The following PRTFDC1 variants were observed in gnomAD, a reference collection of about 807,000 sequenced individuals.
PRTFDC1 encodes the protein phosphoribosyltransferase domain-containing protein 1.
Under a neutral mutation model 34.6 loss-of-function variants are expected in PRTFDC1, and 38 were observed. That is an observed-to-expected ratio of 1.10 (90% CI 0.85 to 1.44). The LOEUF (loss-of-function observed/expected upper bound fraction) is 1.44. PRTFDC1 is among the 40% of genes most tolerant of loss of function. PRTFDC1 has a pLI of 0.00. For missense variants in PRTFDC1, 270 were observed against 283.0 expected, an observed-to-expected ratio of 0.95 and a Z score of 0.33; for synonymous variants, 93 against 98.1, an observed-to-expected ratio of 0.95 and a Z score of 0.31.
At chr10:24,917,823 G>A (rs1486830298) in intron 3 of PRTFDC1, among the ~76,000 whole-genome samples, 1 of 152,146 alleles carries the variant, frequency 6.6e-6, no homozygotes, top group East Asian at 1.9e-4. Context: ...AACATTCACT[G>A]TCAAACCTCA....
At chr10:24,873,879 A>C (rs1205353450) in intron 3 of PRTFDC1, among the ~76,000 whole-genome samples, 6 of 148,852 alleles carry the variant, frequency 4.0e-5, no homozygotes, top group Non-Finnish European at 9.0e-5. Flanking sequence ...GCTCAAACGA[A>C]AAAAAAAAAA....
At chr10:24,880,871 C>CTTTCTT (rs1848065800) in intron 3 of PRTFDC1, among the ~76,000 whole-genome samples, 5 of 144,470 alleles carry the variant, frequency 3.5e-5, no homozygotes, top group Middle Eastern at 3.3e-3. Context: ...TTCTTTCTTT[C>CTTTCTT]TTTCTTTCCC....
chr10:24,851,458 C>T lies in PRTFDC1; in HGVS notation c.560G>A (p.Gly187Glu). The change falls in exon 8 of 9, where the codon GGA becomes GAA. Residue 187 changes from glycine to glutamate, a missense_variant. Physicochemically the swap from Gly to Glu is moderately conservative, Grantham distance 98. Transcript: ENST00000320152. ...RSDGFRPDYAGFEIPNLFVVG... is the reference protein window; with the variant it reads ...RSDGFRPDYAEFEIPNLFVVG... ...CACAAATAAGTTTGGAATCTCAAAT[C>T]CAGCATCTTAGCAGACAGAGAAAGA... 6.2e-7 allele frequency: 1 copy of T among 1,610,372 alleles called. No homozygotes were observed. The highest frequency in any genetic ancestry group is 8.5e-7 in the Non-Finnish European group (1 of 1,179,494).
At chr10:24,902,309 G>C (rs577237943) in intron 3 of PRTFDC1, among the ~76,000 whole-genome samples, 3 of 152,252 alleles carry the variant, frequency 2.0e-5, no homozygotes, top group African/African-American at 7.2e-5. Context: ...TAGAGCTGTG[G>C]ACGGATGCCA....
At chr10:24,861,803 A>T (rs915454622) in intron 4 of PRTFDC1, among the ~76,000 whole-genome samples, 1 of 152,004 alleles carries the variant, frequency 6.6e-6, no homozygotes, top group Admixed American at 6.6e-5. Context: ...GCGTATTTTT[A>T]AATTTTATTT....
At chr10:24,870,752 C>G (rs1847855478) in intron 4 of PRTFDC1, among the ~76,000 whole-genome samples, 1 of 152,064 alleles carries the variant, frequency 6.6e-6, no homozygotes, top group Non-Finnish European at 1.5e-5. Context: ...AGCCATTTAA[C>G]ACATAGATCT....
At chr10:24,938,476 T>G (rs12246878) in intron 2 of PRTFDC1, among the ~76,000 whole-genome samples, 21,333 of 152,120 alleles carry the variant, frequency 0.14, 1,608 homozygotes, top group African/African-American at 0.21. Context: ...CCAGCCCCTA[T>G]CCCCAGCTCT....
At chr10:24,863,082 T>C (rs1331596272) in intron 4 of PRTFDC1, among the ~76,000 whole-genome samples, 1 of 152,152 alleles carries the variant, frequency 6.6e-6, no homozygotes, top group Non-Finnish European at 1.5e-5. Context: ...TTTCACCCTG[T>C]TGGCCAGGCT....
intron 7 of PRTFDC1, among the ~76,000 whole-genome samples, chr10:24,853,711 T>A (rs1345387385): frequency 6.6e-6 from 1 of 152,134 alleles, no homozygotes; most frequent in Non-Finnish European, 1.5e-5. Flanking sequence ...GCAGGGCAAC[T>A]CACACTGGGA....
At chr10:24,866,822 GAGAA>G (rs1847787785) in intron 4 of PRTFDC1, among the ~76,000 whole-genome samples, 3 of 150,630 alleles carry the variant, frequency 2.0e-5, no homozygotes, top group South Asian at 4.2e-4. Flanking sequence ...AAAGAAGAGA[GAGAA>G]AGGAAGAGAG....
intron 3 of PRTFDC1, among the ~76,000 whole-genome samples, chr10:24,912,865 A>T (rs1326953641): frequency 2.0e-5 from 3 of 151,844 alleles, no homozygotes; most frequent in African/African-American, 7.3e-5. Flanking sequence ...CCTTGCTTCT[A>T]CCTCCCATCC....
intron 4 of PRTFDC1, among the ~76,000 whole-genome samples, chr10:24,864,477 C>G (rs540408737): frequency 7.0e-4 from 106 of 152,136 alleles, no homozygotes; most frequent in Non-Finnish European, 1.1e-3. Flanking sequence ...CACCCACCAG[C>G]CTGATCAGTC....
Position 24,942,443 on chromosome 10 carries a change from A to G in PRTFDC1, c.49-7T>C, listed in dbSNP as rs1209174704. On this transcript the variant is annotated splice_region_variant and splice_polypyrimidine_tract_variant and intron_variant, in intron 1 of 8. Transcript: ENST00000320152. ...CTGGCCAATCATCCATAATCTGCAA[A>G]TCAAATTATTTTGGTTATGGTATTT... The G allele has an allele frequency of 2.5e-6, 4 of 1,600,638 alleles. No homozygotes were observed. Among genetic ancestry groups the G allele is most frequent in the Non-Finnish European group, 3.4e-6 (4 of 1,167,772 alleles).
chr10:24,905,235 C>A (rs1473357503), intron 3 of PRTFDC1, among the ~76,000 whole-genome samples: 1 of 151,656 alleles, frequency 6.6e-6, no homozygotes, highest in South Asian at 2.1e-4. Context: ...ATTGCTTGAG[C>A]CTGGGAGATT....
chr10:24,918,867 G>A (rs558864615), intron 3 of PRTFDC1, among the ~76,000 whole-genome samples: 1 of 152,228 alleles, frequency 6.6e-6, no homozygotes, highest in South Asian at 2.1e-4. Context: ...CAAAGTGAAC[G>A]GTGGTAATGG....
Position 24,929,052 on chromosome 10 carries a change from A to AAAAAG in PRTFDC1, c.339+8131_339+8132insCTTTT, listed in dbSNP as rs1554765607. 8.3e-3 allele frequency among the ~76,000 whole-genome samples: 966 copies of AAAAAG among 116,488 alleles called. 34 individuals carry two copies. The highest frequency in any genetic ancestry group is 0.011 in the East Asian group (43 of 3,874). 76.4% of individuals were successfully genotyped at this position (116,488 alleles called of 152,430 possible). On this transcript the variant is annotated intron_variant, in intron 3 of 8. Coordinates refer to ENST00000320152, the MANE Select transcript of PRTFDC1 (RefSeq NM_020200.7). ...GCAGACTCCGTCTCAAAAAAAAAAA[A>AAAAAG]AAAGAAAGAAAGAAAGAAAGAAAGG...
chr10:24,928,335 A>T (rs777570367), intron 3 of PRTFDC1, among the ~76,000 whole-genome samples: 34 of 152,156 alleles, frequency 2.2e-4, no homozygotes, highest in Non-Finnish European at 4.4e-4. Context: ...ACAACTGAGG[A>T]ACTCTTCTAC....
chr10:24,877,281 T>C (rs888691231), intron 3 of PRTFDC1, among the ~76,000 whole-genome samples: 1 of 152,168 alleles, frequency 6.6e-6, no homozygotes, highest in South Asian at 2.1e-4. Context: ...GTGATCCTCC[T>C]GCCTCAGCCT....
chr10:24,849,764 G>A lies in PRTFDC1; in HGVS notation c.*80C>T. The A allele has an allele frequency of 1.4e-6, 2 of 1,395,344 alleles. No individual in the cohort carries two copies. The highest frequency in any genetic ancestry group is 2.0e-6 in the Non-Finnish European group (2 of 984,428). The allele number at this position is 1,395,344 out of a possible 1,614,324, so 86.4% of individuals were successfully genotyped here. A position where few individuals can be genotyped will look rare whatever the true frequency, so the allele number is the denominator to read the frequency against. Reference sequence around the variant, plus strand: ...CCTGCTGAGTGAAGATGCCTGGGGGGACAAACTTGACAGCTGGCTTCCCAA... The same window carrying A: ...CCTGCTGAGTGAAGATGCCTGGGGGAACAAACTTGACAGCTGGCTTCCCAA... On this transcript the variant is annotated 3_prime_UTR_variant, in exon 9 of 9. Coordinates refer to ENST00000320152, the MANE Select transcript of PRTFDC1 (RefSeq NM_020200.7).
Sources: gnomAD v4.1 joint callset for allele counts (sites outside exome capture counted in the v4.1 genomes callset) on GRCh38, gnomAD v4.1.1 for gene constraint, MANE v1.5 for transcripts, NCBI Gene and HGNC (gene_info 2026-07-23, HGNC 2026-07-21) for gene names.